RASGRF1: variants seen among roughly 807,000 people sequenced by gnomAD.
RASGRF1 encodes Ras protein specific guanine nucleotide releasing factor 1, also known as ras-specific guanine nucleotide-releasing factor 1.
RASGRF1 carries 40 observed loss-of-function variants against 138.7 expected under a neutral mutation model. The ratio of observed to expected loss-of-function variants is 0.29; its 90% confidence interval spans 0.22 to 0.38. The LOEUF (loss-of-function observed/expected upper bound fraction) is 0.38, where lower values mean the gene tolerates loss of function less well. Among genes scored for constraint, RASGRF1 ranks in the 10% least tolerant of loss-of-function variants. The pLI, the probability that RASGRF1 is intolerant of heterozygous loss-of-function variation, is 1.00. For synonymous variants in RASGRF1, 614 were observed against 663.2 expected (o/e 0.93, Z 1.14); for missense variants, 1,108 against 1,650.4 (o/e 0.67, Z 5.69).
intron 5 of RASGRF1, among the ~76,000 whole-genome samples, chr15:79,036,467 C>T (rs187330305): frequency 5.9e-5 from 9 of 152,316 alleles, no homozygotes; most frequent in African/African-American, 2.2e-4. Context: ...GTTTGAGGCA[C>T]CTGGTGTTTC....
At chr15:79,037,374 G>A (rs1168876849) in intron 5 of RASGRF1, among the ~76,000 whole-genome samples, 2 of 152,014 alleles carry the variant, frequency 1.3e-5, no homozygotes, top group African/African-American at 4.8e-5. Context: ...CGGATGGTGG[G>A]GTGGGGGAGG....
chr15:78,970,688 A>G (rs924377037), intron 26 of RASGRF1, among the ~76,000 whole-genome samples: 7 of 151,762 alleles, frequency 4.6e-5, no homozygotes, highest in African/African-American at 1.7e-4. Flanking sequence ...TGGGAGCCCA[A>G]GAGTCTGGGT....
In RASGRF1 at chr15:78,981,030, T is replaced by G. The variant is rs147160928; in HGVS notation, c.3415-331A>C. ...ACTTAGTGGGTGACTCCCAGGAGCCTGCGCTCAGAGCAGGAAATGGCAGAT... is the reference window on the plus strand; with the variant it reads ...ACTTAGTGGGTGACTCCCAGGAGCCGGCGCTCAGAGCAGGAAATGGCAGAT... On this transcript the variant is annotated intron_variant, in intron 23 of 26. Transcript: ENST00000558480. 1.6e-3 allele frequency: 377 copies of G among 234,612 alleles called. 2 individuals are homozygous for G. Among genetic ancestry groups the G allele is most frequent in the African/African-American group, 8.0e-3 (356 of 44,642 alleles). The allele number at this position is 234,612 out of a possible 1,614,324, so 14.5% of individuals were successfully genotyped here.
chr15:79,085,504 G>A (rs2057967672), intron 1 of RASGRF1, among the ~76,000 whole-genome samples: 1 of 152,198 alleles, frequency 6.6e-6, no homozygotes, highest in African/African-American at 2.4e-5. Context: ...GTGTCTAAGG[G>A]CTGCTGCTTT....
chr15:79,008,336 GAAC>G (rs1349657115), intron 13 of RASGRF1, among the ~76,000 whole-genome samples: 1 of 152,166 alleles, frequency 6.6e-6, no homozygotes, highest in East Asian at 1.9e-4. Context: ...TTTAGGATGA[GAAC>G]AATATGGGAA....
intron 24 of RASGRF1, among the ~76,000 whole-genome samples, chr15:78,977,327 A>G (rs1867314): frequency 1 from 152,017 of 152,296 alleles, 75,869 homozygotes; most frequent in Non-Finnish European, 1. Context: ...CAGGGAGGGC[A>G]TGAGGGCCCT....
chr15:78,999,680 C>T lies in RASGRF1; in HGVS notation c.2746+63G>A, dbSNP rs545126880. On this transcript the variant is annotated intron_variant, in intron 17 of 26. Coordinates refer to ENST00000558480, the MANE Select transcript of RASGRF1 (RefSeq NM_001145648.3). Reference sequence around the variant, plus strand: ...GAGCAAGTCCCCGGGACCATGGCTGCTATCACCTGCCACTGGGGCTGACCA... The same window carrying T: ...GAGCAAGTCCCCGGGACCATGGCTGTTATCACCTGCCACTGGGGCTGACCA... 1.7e-4 allele frequency: 271 copies of T among 1,558,548 alleles called. 1 individual carries two copies. In the African/African-American group the frequency reaches 3.2e-3, roughly 19 times the overall value.
chr15:79,002,477 A>G (rs573560657), intron 15 of RASGRF1, among the ~76,000 whole-genome samples: 4 of 152,332 alleles, frequency 2.6e-5, no homozygotes, highest in South Asian at 2.1e-4. Flanking sequence ...ACAAAGCCAC[A>G]GGTCTTCTCT....
chr15:79,028,874 G>A (rs117758269), intron 8 of RASGRF1, among the ~76,000 whole-genome samples: 2,349 of 152,274 alleles, frequency 0.015, 31 homozygotes, highest in Non-Finnish European at 0.025. Context: ...TGCCTCTTCC[G>A]GAGCTGGATC....
intron 19 of RASGRF1, 35 bp downstream of exon 19, chr15:78,998,061 G>T (rs1463172182): frequency 1.3e-6 from 2 of 1,553,800 alleles, no homozygotes; most frequent in Non-Finnish European, 1.8e-6. Flanking sequence ...GTCCCAGCAG[G>T]CAGTTCTGAG....
chr15:79,059,201 A>C (rs1340665278), intron 2 of RASGRF1, among the ~76,000 whole-genome samples: 8 of 44,516 alleles, frequency 1.8e-4, no homozygotes, highest in African/African-American at 3.1e-4. Flanking sequence ...TTCCTTCCCT[A>C]TCTTTCCCTT....
intron 1 of RASGRF1, among the ~76,000 whole-genome samples, chr15:79,076,096 C>T (rs757706974): frequency 6.6e-6 from 1 of 152,220 alleles, no homozygotes; most frequent in East Asian, 1.9e-4. Context: ...AATGGGCAAG[C>T]TGCTGGGGGC....
intron 9 of RASGRF1, 67 bp from the exon 10 acceptor site, chr15:79,025,541 G>C: frequency 6.6e-7 from 1 of 1,526,088 alleles, no homozygotes; most frequent in Non-Finnish European, 8.9e-7. Flanking sequence ...ACCCAGCCTT[G>C]AAGGTTGAGA....
Position 79,080,720 on chromosome 15 carries a change from TATCTC to T in RASGRF1, c.276+9498_276+9502del, listed in dbSNP as rs2057903532. Among the ~76,000 whole-genome samples, 3 of 152,204 alleles carry T rather than the reference TATCTC, an allele frequency of 2.0e-5. No homozygotes were observed. In the South Asian group the frequency reaches 6.2e-4, roughly 31 times the overall value. ...TAGGAAGTATCTTTTGGAAAATAAT[TATCTC>T]ATGTTTCAGGGGAAAGAAATTGCAT... On this transcript the variant is annotated intron_variant, in intron 1 of 26. Coordinates refer to ENST00000558480, the MANE Select transcript of RASGRF1 (RefSeq NM_001145648.3).
Position 78,979,106 on chromosome 15 carries a change from G to A in RASGRF1, c.3494+1514C>T, listed in dbSNP as rs528614086. The A allele has an allele frequency of 6.3e-4, 807 of 1,289,930 alleles. 14 individuals are homozygous for A. In the South Asian group the frequency reaches 9.6e-3, roughly 15 times the overall value. The allele number at this position is 1,289,930 out of a possible 1,614,324, so 79.9% of individuals were successfully genotyped here. A position where few individuals can be genotyped will look rare whatever the true frequency, so the allele number is the denominator to read the frequency against. ...CGGACGGACGGACAAGTTGGTGAATGCACGGAGGGGGCAGCTCCCCACAAG... is the reference window on the plus strand; with the variant it reads ...CGGACGGACGGACAAGTTGGTGAATACACGGAGGGGGCAGCTCCCCACAAG... On this transcript the variant is annotated intron_variant, in intron 24 of 26. Coordinates refer to ENST00000558480, the MANE Select transcript of RASGRF1 (RefSeq NM_001145648.3).
chr15:79,020,447 A>T (rs2056944951), intron 10 of RASGRF1, among the ~76,000 whole-genome samples: 1 of 152,220 alleles, frequency 6.6e-6, no homozygotes. Flanking sequence ...CATAGCCCTA[A>T]ATCTGCAGAG....
intron 22 of RASGRF1, 77 bp from the exon 23 acceptor site, chr15:78,985,281 T>C (rs1423269794): frequency 4.4e-6 from 6 of 1,349,374 alleles, no homozygotes; most frequent in African/African-American, 4.4e-5. Flanking sequence ...TATTTGCAGA[T>C]ATGATTGCCT....
At chr15:79,072,315 G>T (rs1424542243) in intron 1 of RASGRF1, among the ~76,000 whole-genome samples, 1 of 100,428 alleles carries the variant, frequency 1.0e-5, no homozygotes, top group Non-Finnish European at 1.9e-5. Flanking sequence ...TCACTCTGTT[G>T]CCCAGGCTGG....
intron 22 of RASGRF1, 194 bp downstream of exon 22, chr15:78,989,994 GC>G (rs1248061201): frequency 1.4e-4 from 87 of 610,540 alleles, no homozygotes; most frequent in Non-Finnish European, 2.2e-4. Flanking sequence ...TCCATGGTCA[GC>G]CCCACTTAAT....
Sources: allele counts gnomAD v4.1 joint callset (sites outside exome capture counted in the v4.1 genomes callset), GRCh38; gene constraint gnomAD v4.1.1; transcripts MANE v1.5; gene names NCBI Gene and HGNC (gene_info 2026-07-23, HGNC 2026-07-21).